Variants in TIAM1 observed in about 807,000 individuals in gnomAD.
The protein encoded by TIAM1 is TIAM Rac1 associated GEF 1.
Under a neutral mutation model 163.5 loss-of-function variants are expected in TIAM1, and 65 were observed. That is an observed-to-expected ratio of 0.40 (90% CI 0.33 to 0.49). The LOEUF is 0.49. Among genes scored for constraint, TIAM1 ranks in the 20% least tolerant of loss-of-function variants. The probability of loss-of-function intolerance (pLI) is 0.77; values close to 1 mark genes in which losing one functional copy is unlikely to be tolerated. For missense variants in TIAM1, 1,789 were observed against 2,044.7 expected (o/e 0.87, Z 2.41); for synonymous variants, 833 against 810.1 (o/e 1.03, Z -0.48).
chr21:31,456,910 AGTT>A (rs1395504178), intron 2 of TIAM1, among the ~76,000 whole-genome samples: 1 of 152,094 alleles, frequency 6.6e-6, no homozygotes, highest in Non-Finnish European at 1.5e-5. Context: ...CTTCTCTCAC[AGTT>A]GTTGTGTTCA....
intron 1 of TIAM1, among the ~76,000 whole-genome samples, chr21:31,469,079 CTTT>C (rs765505214): frequency 2.2e-3 from 243 of 110,866 alleles, no homozygotes; most frequent in African/African-American, 5.1e-3. Context: ...GAACCAATCC[CTTT>C]TTTTTTTTTT....
chr21:31,196,890 A>G (rs1399450515), intron 12 of TIAM1, among the ~76,000 whole-genome samples: 1 of 152,230 alleles, frequency 6.6e-6, no homozygotes, highest in Non-Finnish European at 1.5e-5. Flanking sequence ...GTACATGTAT[A>G]CCACAGAATA....
At chr21:31,311,340 C>G (rs1003655834) in intron 2 of TIAM1, among the ~76,000 whole-genome samples, 18 of 152,248 alleles carry the variant, frequency 1.2e-4, no homozygotes, top group African/African-American at 4.3e-4. Context: ...ATTGTCTTCT[C>G]TAAGACATTA....
chr21:31,376,806 C>T (rs914994348), intron 2 of TIAM1, among the ~76,000 whole-genome samples: 14 of 151,882 alleles, frequency 9.2e-5, no homozygotes, highest in African/African-American at 3.4e-4. Flanking sequence ...ATCTAGAAAG[C>T]ACAAAATTTT....
chr21:31,307,009 C>T (rs1296903693), intron 2 of TIAM1, among the ~76,000 whole-genome samples: 2 of 151,438 alleles, frequency 1.3e-5, no homozygotes, highest in Non-Finnish European at 2.9e-5. Flanking sequence ...CTTCATACTG[C>T]ATTGCATCGC....
At chr21:31,335,103 G>A (rs2075796798) in intron 2 of TIAM1, among the ~76,000 whole-genome samples, 1 of 152,152 alleles carries the variant, frequency 6.6e-6, no homozygotes, top group Non-Finnish European at 1.5e-5. Context: ...CAGGCCGTTT[G>A]TGCCACAAAA....
rs541230785 is a variant in TIAM1, at chr21:31,539,511, C to T, written c.-422+19416G>A. On this transcript the variant is annotated intron_variant, in intron 1 of 28. Transcript: ENST00000286827. Reference sequence around the variant, plus strand: ...TGATCTCCTGACCTCGTGATCCGCCCGTCTCAGCCGCCCAAAGTGCTGGGA... The same window carrying T: ...TGATCTCCTGACCTCGTGATCCGCCTGTCTCAGCCGCCCAAAGTGCTGGGA... Among the ~76,000 whole-genome samples, 175 of 152,018 alleles carry T rather than the reference C, an allele frequency of 1.2e-3. 1 individual carries two copies. The highest frequency in any genetic ancestry group is 3.9e-3 in the African/African-American group (163 of 41,310).
chr21:31,468,077 G>A (rs1471851968), intron 1 of TIAM1, among the ~76,000 whole-genome samples: 84 of 117,806 alleles, frequency 7.1e-4, no homozygotes, highest in Non-Finnish European at 1.2e-3. Flanking sequence ...CGACAAGAGC[G>A]AAACTCTTAA....
chr21:31,427,810 G>T (rs983516542), intron 2 of TIAM1, among the ~76,000 whole-genome samples: 3 of 152,064 alleles, frequency 2.0e-5, no homozygotes, highest in African/African-American at 7.2e-5. Flanking sequence ...CTCCAGCCTG[G>T]ACAACAGAGC....
chr21:31,341,322 G>T (rs142176211), intron 1 of TIAM1, among the ~76,000 whole-genome samples: 1,999 of 152,220 alleles, frequency 0.013, 19 homozygotes, highest in South Asian at 0.031. Flanking sequence ...CAGTCAAAAG[G>T]GGCAGAGCAA....
At chr21:31,487,988 G>A (rs906609217) in intron 1 of TIAM1, among the ~76,000 whole-genome samples, 6 of 152,150 alleles carry the variant, frequency 3.9e-5, no homozygotes, top group Admixed American at 1.3e-4. Context: ...CACTGCGCCC[G>A]GCCACTTGAT....
intron 2 of TIAM1, among the ~76,000 whole-genome samples, chr21:31,311,172 GTTTT>G (rs34323103): frequency 5.5e-4 from 81 of 147,138 alleles, no homozygotes; most frequent in African/African-American, 2.0e-3. Flanking sequence ...TGTTTGTTTT[GTTTT>G]TTTTTTTGTC....
chr21:31,206,022 TA>T (rs1188388238), intron 11 of TIAM1, among the ~76,000 whole-genome samples: 1 of 152,198 alleles, frequency 6.6e-6, no homozygotes, highest in Non-Finnish European at 1.5e-5. Context: ...CAAACCATCA[TA>T]TTTTTCAAAC....
chr21:31,471,432 T>A (rs1295944158), intron 1 of TIAM1, among the ~76,000 whole-genome samples: 5 of 151,898 alleles, frequency 3.3e-5, no homozygotes, highest in African/African-American at 1.2e-4. Flanking sequence ...ACCCAGTAAA[T>A]GCCTTCAGAT....
At position 31,285,470 on chromosome 21, in the gene TIAM1, T is replaced by TC. The variant is rs201581473; in HGVS notation, c.-188-8563dup. On this transcript the variant is annotated intron_variant, in intron 2 of 27. Coordinates refer to ENST00000541036, the MANE Select transcript of TIAM1 (RefSeq NM_001353694.2). The stretch of plus-strand genomic sequence containing the variant: ...AAAGGGCCCATCCAAAAAGAATCAC[T>TC]CCCCCCATGGACTTGCTGCTTTCAC... Among the ~76,000 whole-genome samples, 1,098 of 152,130 alleles carry TC rather than the reference T, an allele frequency of 7.2e-3. 12 individuals are homozygous for TC. The highest frequency in any genetic ancestry group is 0.025 in the African/African-American group (1,045 of 41,508).
chr21:31,232,396 A>G (rs1287139584), intron 6 of TIAM1, among the ~76,000 whole-genome samples: 1 of 152,180 alleles, frequency 6.6e-6, no homozygotes, highest in African/African-American at 2.4e-5. Flanking sequence ...CATGAAGCCA[A>G]ATCAATTTCT....
intron 2 of TIAM1, among the ~76,000 whole-genome samples, chr21:31,433,512 T>C (rs964763716): frequency 1.3e-5 from 2 of 152,194 alleles, no homozygotes; most frequent in African/African-American, 4.8e-5. Flanking sequence ...ATTCTTTTAG[T>C]TGGAAGCTAG....
intron 2 of TIAM1, among the ~76,000 whole-genome samples, chr21:31,377,598 G>A (rs768803627): frequency 2.0e-5 from 3 of 152,096 alleles, no homozygotes; most frequent in Non-Finnish European, 2.9e-5. Context: ...TTCTGTATAT[G>A]TACAACAATT....
chr21:31,328,920 A>G (rs1296212555), intron 2 of TIAM1, among the ~76,000 whole-genome samples: 2 of 152,210 alleles, frequency 1.3e-5, no homozygotes, highest in African/African-American at 4.8e-5. Context: ...TGCTGGAATT[A>G]CAGGTGTGAG....
Sources: gnomAD v4.1 joint callset for allele counts (sites outside exome capture counted in the v4.1 genomes callset) on GRCh38, gnomAD v4.1.1 for gene constraint, MANE v1.5 for transcripts, NCBI Gene and HGNC (gene_info 2026-07-23, HGNC 2026-07-21) for gene names.